Variants in SLC12A8 observed in about 807,000 individuals in gnomAD.
The protein encoded by SLC12A8 is cation-chloride cotransporter 9.
A neutral mutation model predicts 75.6 loss-of-function variants in SLC12A8; 69 were observed. That is an observed-to-expected ratio of 0.91 (90% CI 0.75 to 1.11). The LOEUF is 1.11. Among genes scored for constraint, SLC12A8 ranks in the 50% most tolerant of loss-of-function variants. SLC12A8 has a pLI of 0.00. For missense variants in SLC12A8, 877 were observed against 896.7 expected, an observed-to-expected ratio of 0.98 and a Z score of 0.28; for synonymous variants, 365 against 372.8, an observed-to-expected ratio of 0.98 and a Z score of 0.24.
In SLC12A8 at chr3:125,185,737, G is replaced by A. The variant is rs113735008; in HGVS notation, c.390+1500C>T. ...ACAAAATGTTAACAAACCAAATTCA[G>A]CAATTTATAAAAAGGATTACACACT... is the stretch of plus-strand genomic sequence containing the variant. On this transcript the variant is annotated intron_variant, in intron 4 of 13. Coordinates refer to ENST00000469902, the MANE Select transcript of SLC12A8 (RefSeq NM_024628.6). Among the ~76,000 whole-genome samples, 1,038 of 152,232 alleles carry A rather than the reference G, an allele frequency of 6.8e-3. 13 individuals carry two copies. Among genetic ancestry groups the A allele is most frequent in the African/African-American group, 0.024 (992 of 41,548 alleles).
At chr3:125,170,132 T>C (rs746130850) in intron 5 of SLC12A8, among the ~76,000 whole-genome samples, 3 of 152,118 alleles carry the variant, frequency 2.0e-5, no homozygotes, top group Non-Finnish European at 2.9e-5. Flanking sequence ...ACTTGAAAAA[T>C]TGAGCCTCTT....
intron 6 of SLC12A8, among the ~76,000 whole-genome samples, chr3:125,127,609 C>T (rs752299250): frequency 2.0e-5 from 3 of 152,186 alleles, no homozygotes; most frequent in African/African-American, 4.8e-5. Context: ...AAGGAGCTCA[C>T]GCAAGTGAGG....
intron 5 of SLC12A8, among the ~76,000 whole-genome samples, chr3:125,157,121 C>T (rs116606886): frequency 0.013 from 1,950 of 149,016 alleles, 40 homozygotes; most frequent in African/African-American, 0.048. Context: ...CTCAATTATG[C>T]TTTAAAACGA....
intron 2 of SLC12A8, chr3:125,192,751 G>C (rs1934930995): frequency 6.5e-6 from 1 of 154,410 alleles, no homozygotes; most frequent in Non-Finnish European, 1.5e-5. Flanking sequence ...CTGGCAGCTT[G>C]TTTCAGGATA....
At chr3:125,208,117 A>G (rs1156907266) in intron 2 of SLC12A8, among the ~76,000 whole-genome samples, 1 of 152,220 alleles carries the variant, frequency 6.6e-6, no homozygotes, top group Admixed American at 6.5e-5. Flanking sequence ...CAGAGCACAC[A>G]AAGTGCCTCC....
At chr3:125,109,735 T>A (rs895712103) in intron 9 of SLC12A8, among the ~76,000 whole-genome samples, 9 of 151,866 alleles carry the variant, frequency 5.9e-5, no homozygotes, top group Non-Finnish European at 1.0e-4. Flanking sequence ...ACGCCAGAGG[T>A]GTAGGAAATC....
chr3:125,129,966 C>T (rs1429200201), intron 6 of SLC12A8, among the ~76,000 whole-genome samples: 3 of 152,148 alleles, frequency 2.0e-5, no homozygotes, highest in Non-Finnish European at 4.4e-5. Flanking sequence ...CCTTCATAAG[C>T]TCCTCTGCAC....
At chr3:125,084,161 A>T in intron 13 of SLC12A8, 109 bp from the exon 14 acceptor site, 1 of 847,316 alleles carries the variant, frequency 1.2e-6, no homozygotes. Flanking sequence ...ACATGTATTT[A>T]AATGTTTAAA....
chr3:125,208,860 A>G (rs1225793684), intron 2 of SLC12A8, among the ~76,000 whole-genome samples: 1 of 151,064 alleles, frequency 6.6e-6, no homozygotes, highest in Non-Finnish European at 1.5e-5. Flanking sequence ...TTAAAGCCAA[A>G]CCAAGAGTCC....
At chr3:125,123,175 G>A (rs559784838) in intron 6 of SLC12A8, among the ~76,000 whole-genome samples, 53 of 151,970 alleles carry the variant, frequency 3.5e-4, no homozygotes, top group Admixed American at 2.0e-3. Context: ...AGGAGTTCGA[G>A]ACCAGCCTGA....
intron 9 of SLC12A8, 144 bp from the exon 10 acceptor site, chr3:125,108,270 A>G (rs963402802): frequency 2.1e-5 from 18 of 837,738 alleles, no homozygotes; most frequent in Non-Finnish European, 3.1e-5. Flanking sequence ...ACTTGAGATA[A>G]TAATATCCTA....
chr3:125,128,166 G>C (rs1380472437), intron 6 of SLC12A8, among the ~76,000 whole-genome samples: 1 of 147,416 alleles, frequency 6.8e-6, no homozygotes, highest in Non-Finnish European at 1.5e-5. Context: ...CACCGTGCCC[G>C]GCCTAAGCTT....
intron 8 of SLC12A8, among the ~76,000 whole-genome samples, chr3:125,112,008 A>G (rs527396565): frequency 1.5e-4 from 23 of 152,302 alleles, no homozygotes; most frequent in Admixed American, 1.5e-3. Context: ...TTCATTGGTT[A>G]CAATGGGAGC....
At chr3:125,111,471 A>G (rs658971) in intron 8 of SLC12A8, among the ~76,000 whole-genome samples, 126,862 of 152,234 alleles carry the variant, frequency 0.83, 53,098 homozygotes, top group South Asian at 0.92. Flanking sequence ...TACCCACAGG[A>G]AAGCATCTTT....
At chr3:125,184,003 C>G (rs185623817) in intron 4 of SLC12A8, among the ~76,000 whole-genome samples, 1 of 151,688 alleles carries the variant, frequency 6.6e-6, no homozygotes, top group Non-Finnish European at 1.5e-5. Flanking sequence ...AATGGAGTAT[C>G]GCTCTGTCAC....
At chr3:125,095,503 G>A (rs535575) in intron 10 of SLC12A8, among the ~76,000 whole-genome samples, 63,282 of 152,040 alleles carry the variant, frequency 0.42, 13,890 homozygotes, top group Middle Eastern at 0.63. Context: ...GGGCTCCTGT[G>A]GTACAGACCC....
chr3:125,145,120 G>A (rs1933741875), intron 5 of SLC12A8, among the ~76,000 whole-genome samples: 1 of 152,198 alleles, frequency 6.6e-6, no homozygotes, highest in Admixed American at 6.5e-5. Context: ...AGATGGGAAA[G>A]CTGAGGCCTG....
intron 5 of SLC12A8, among the ~76,000 whole-genome samples, chr3:125,153,114 C>T (rs1579509344): frequency 6.6e-6 from 1 of 152,160 alleles, no homozygotes. Context: ...GCGCAGATTA[C>T]GTTTCCTAGG....
At chr3:125,196,440 A>C (rs544087805) in intron 2 of SLC12A8, among the ~76,000 whole-genome samples, 14 of 152,348 alleles carry the variant, frequency 9.2e-5, no homozygotes, top group African/African-American at 3.1e-4. Context: ...AGCAAATAAC[A>C]AAATATATTG....
Sources: gnomAD v4.1 joint callset for allele counts (sites outside exome capture counted in the v4.1 genomes callset) on GRCh38, gnomAD v4.1.1 for gene constraint, MANE v1.5 for transcripts, NCBI Gene and HGNC (gene_info 2026-07-23, HGNC 2026-07-21) for gene names.